PDZD7: variants seen among roughly 807,000 people sequenced by gnomAD.
PDZD7 encodes PDZ domain containing 7.
Under a neutral mutation model 84.7 loss-of-function variants are expected in PDZD7, and 72 were observed. That is an observed-to-expected ratio of 0.85 (90% CI 0.70 to 1.03). The LOEUF is 1.03. Ranked by LOEUF, PDZD7 falls within the 50% of genes least tolerant of loss-of-function variation. The pLI is 0.00. For synonymous variants in PDZD7, 594 were observed against 580.7 expected (o/e 1.02, Z -0.33); for missense variants, 1,490 against 1,412.9 (o/e 1.05, Z -0.87).
rs1564636130 is a variant in PDZD7, at chr10:101,020,653, T to C, written c.893A>G (p.Lys298Arg). 15 of 1,613,484 alleles carry C rather than the reference T, an allele frequency of 9.3e-6. No individual in the cohort carries two copies. Among genetic ancestry groups the C allele is most frequent in the Non-Finnish European group, 1.3e-5 (15 of 1,179,548 alleles). ...IKETGRYPAY[K>R]EMVSEYCWLD... is the part of the protein sequence containing the mutation. ...CCAGCAGTACTCAGAAACCATCTCC[T>C]TGTAGGCAGGATACCGGCCGGTCTC... Residue 298 changes from lysine (K) to arginine (R), a missense_variant, in exon 7 of 17, where the codon AAG becomes AGG. Physicochemically the swap from Lys to Arg is conservative, Grantham distance 26 (BLOSUM62 2). Transcript: ENST00000619208.
At chr10:101,029,874 T>C (rs1937976122) in intron 2 of PDZD7, 120 bp downstream of exon 2, 2 of 1,097,778 alleles carry the variant, frequency 1.8e-6, no homozygotes, top group Non-Finnish European at 2.6e-6. Flanking sequence ...GCCACCTCCC[T>C]GTGACTCCCA....
chr10:101,020,681 G>T lies in PDZD7; in HGVS notation c.868-3C>A. 1 of 1,613,382 alleles carries T rather than the reference G, an allele frequency of 6.2e-7. No homozygotes were observed. ...TAGGCAGGATACCGGCCGGTCTCCT[G>T]GGGAGGGGATGGTGGGCATAGGAGG... On this transcript the variant is annotated splice_region_variant and splice_polypyrimidine_tract_variant and intron_variant, in intron 6 of 16. Transcript: ENST00000619208.
At chr10:101,018,353 A>C in intron 8 of PDZD7, 57 bp from the exon 9 acceptor site, 1 of 1,390,692 alleles carries the variant, frequency 7.2e-7, no homozygotes, top group Non-Finnish European at 1.0e-6. Flanking sequence ...GGGAAGGACG[A>C]GGGGCAGGGG....
intron 11 of PDZD7, 30 bp downstream of exon 11, chr10:101,015,606 G>A (rs1852583736): frequency 6.5e-7 from 1 of 1,541,388 alleles, no homozygotes; most frequent in Non-Finnish European, 8.8e-7. Context: ...AGGACCGTGT[G>A]CCAGGGCTGC....
At chr10:101,009,174 T>G (rs905288316) in intron 16 of PDZD7, 76 bp downstream of exon 16, 3 of 1,320,832 alleles carry the variant, frequency 2.3e-6, no homozygotes, top group Non-Finnish European at 2.1e-6. Context: ...GGCTGGAAGC[T>G]GAGCATGGCC....
chr10:101,018,769 G>A, intron 8 of PDZD7, 53 bp downstream of exon 8: 1 of 1,519,158 alleles, frequency 6.6e-7, no homozygotes, highest in Non-Finnish European at 8.8e-7. Flanking sequence ...ATGTGAGACA[G>A]GTTTTGGACC....
chr10:101,021,863 C>A lies in PDZD7; in HGVS notation c.802G>T (p.Asp268Tyr). Residue 268 changes from aspartate (D) to tyrosine (Y), a missense_variant, in exon 6 of 17, where the codon GAC (aspartate) becomes TAC (tyrosine). Physicochemically the swap from Asp to Tyr is radical, Grantham distance 160 (BLOSUM62 -3). Transcript: ENST00000619208. ...VLAANGVRFDDISHSQAVEVL... is the reference protein window; with the variant it reads ...VLAANGVRFDYISHSQAVEVL... ...TCCACGGCCTGGCTGTGGCTGATGT[C>A]GTCAAACCTGACACCGTTGGCTGCC... The A allele has an allele frequency of 6.2e-7, 1 of 1,614,152 alleles. No homozygotes were observed. Among genetic ancestry groups the A allele is most frequent in the Non-Finnish European group, 8.5e-7 (1 of 1,180,022 alleles).
Position 101,023,716 on chromosome 10 carries a change from G to A in PDZD7, c.368-106C>T. On this transcript the variant is annotated intron_variant, in intron 3 of 16. Coordinates refer to ENST00000619208, the MANE Select transcript of PDZD7 (RefSeq NM_001195263.2). Reference sequence around the variant, plus strand: ...TCAAACTGAGCTTCTCAATCAGAGTGAGGATTGTCAGAGCAGGGGCTGAGT... The same window carrying A: ...TCAAACTGAGCTTCTCAATCAGAGTAAGGATTGTCAGAGCAGGGGCTGAGT... 2.0e-6 allele frequency: 3 copies of A among 1,481,038 alleles called. No homozygotes were observed. The South Asian group carries it at 3.5e-5, about 17-fold the overall frequency. The allele number at this position is 1,481,038 out of a possible 1,614,324, so 91.7% of individuals were successfully genotyped here. A position where few individuals can be genotyped will look rare whatever the true frequency, so the allele number is the denominator to read the frequency against.
At chr10:101,022,492 G>T in intron 4 of PDZD7, 107 bp from the exon 5 acceptor site, 1 of 1,346,812 alleles carries the variant, frequency 7.4e-7, no homozygotes. Flanking sequence ...GCCTTTGGGG[G>T]ACTCCCCAGG....
At chr10:101,024,674 G>A (rs1400147864) in intron 2 of PDZD7, among the ~76,000 whole-genome samples, 2 of 151,518 alleles carry the variant, frequency 1.3e-5, no homozygotes, top group South Asian at 2.1e-4. Context: ...CCAGCTACAC[G>A]GAAGGCTGAG....
rs1384024033 is a variant in PDZD7 at position 101,009,330 on chromosome 10, T to G, written c.2638A>C (p.Ile880Leu). ...QSLGISISGG[I>L]ESKVQPMVKI... ...ACCATGGGCTGCACCTTGGACTCAA[T>G]GCCCCCAGAAATGCTGATACCTAGT... Residue 880 changes from isoleucine to leucine, a missense_variant, in exon 16 of 17, where the codon ATT becomes CTT. By Grantham distance (5) the Ile-to-Leu change is conservative. Coordinates refer to ENST00000619208, the MANE Select transcript of PDZD7 (RefSeq NM_001195263.2). The G allele has an allele frequency of 6.5e-7, 1 of 1,536,020 alleles. No individual in the cohort carries two copies. The highest frequency in any genetic ancestry group is 1.2e-5 in the South Asian group (1 of 84,056).
chr10:101,024,564 A>G, intron 2 of PDZD7, among the ~76,000 whole-genome samples: 1 of 152,044 alleles, frequency 6.6e-6, no homozygotes, highest in Non-Finnish European at 1.5e-5. Context: ...TTTTGAGACC[A>G]TGGGCCAGGA....
Position 101,022,315 on chromosome 10 carries a change from C to A in PDZD7, c.613G>T (p.Asp205Tyr). 6.2e-7 allele frequency: 1 copy of A among 1,614,242 alleles called. No individual in the cohort carries two copies. The highest frequency in any genetic ancestry group is 8.5e-7 in the Non-Finnish European group (1 of 1,180,046). ...GSTPSDTSSEDGVRRIVHLYT... is the reference protein window; with the variant it reads ...GSTPSDTSSEYGVRRIVHLYT... Reference sequence around the variant, plus strand: ...AGGTGGACGATGCGCCGGACACCATCTTCTGAGCTGGTGTCGGAGGGTGTT... The same window carrying A: ...AGGTGGACGATGCGCCGGACACCATATTCTGAGCTGGTGTCGGAGGGTGTT... The change falls in exon 5 of 17, where the codon GAT becomes TAT. Residue 205 changes from aspartate to tyrosine, a missense_variant. Asp to Tyr is a radical substitution (Grantham distance 160, BLOSUM62 -3). Coordinates refer to ENST00000619208, the MANE Select transcript of PDZD7 (RefSeq NM_001195263.2).
intron 1 of PDZD7, 163 bp from the exon 2 acceptor site, chr10:101,030,547 T>C (rs1230199131): frequency 6.4e-5 from 33 of 513,882 alleles, no homozygotes; most frequent in Non-Finnish European, 1.1e-4. Context: ...AGGCACCATC[T>C]TGGACTCTCG....
At chr10:101,016,129 A>G (rs913161056) in intron 10 of PDZD7, among the ~76,000 whole-genome samples, 10 of 152,132 alleles carry the variant, frequency 6.6e-5, no homozygotes, top group African/African-American at 1.9e-4. Flanking sequence ...TCACCCCCAA[A>G]TATATCTTTG....
intron 15 of PDZD7, among the ~76,000 whole-genome samples, chr10:101,009,905 C>A (rs1255506158): frequency 4.0e-5 from 6 of 151,074 alleles, no homozygotes; most frequent in African/African-American, 1.5e-4. Flanking sequence ...CCGCGCCCGG[C>A]TGAGACAGAG....
chr10:101,023,316 G>T lies in PDZD7; in HGVS notation c.542+120C>A, dbSNP rs1016988702. On this transcript the variant is annotated intron_variant, in intron 4 of 16. Transcript: ENST00000619208. ...GAGGTCAGGCCTTTGGATCCCCTGC[G>T]TTTCCTGAGCCAGCGAGCAGGAGGA... The T allele has an allele frequency of 8.0e-6, 10 of 1,252,270 alleles. No individual in the cohort carries two copies. In the East Asian group the frequency reaches 2.5e-4, roughly 31 times the overall value. The allele number at this position is 1,252,270 out of a possible 1,614,324, so 77.6% of individuals were successfully genotyped here. A position where few individuals can be genotyped will look rare whatever the true frequency, so the allele number is the denominator to read the frequency against.
At chr10:101,020,711 G>A in intron 6 of PDZD7, 33 bp from the exon 7 acceptor site, 3 of 1,565,230 alleles carry the variant, frequency 1.9e-6, no homozygotes. Context: ...AGGAGGGAAG[G>A]GGGAGCAGTG....
rs1852805344 is a variant in PDZD7, at chr10:101,018,117, G to A, written c.1504C>T (p.Arg502Cys). The change falls in exon 9 of 17, where the codon CGC (arginine) becomes TGC (cysteine). Residue 502 changes from arginine (R) to cysteine (C), a missense_variant. By Grantham distance (180) the Arg-to-Cys change is radical (BLOSUM62 -3). Coordinates refer to ENST00000619208, the MANE Select transcript of PDZD7 (RefSeq NM_001195263.2). ...TACTTACCTTTCTCTATGTCCAGGC[G>A]AGGGTAAGTTTTGGCCAGGCTCCCG... Reference protein sequence around the residue: ...DSGSLAKTYPRLDIEKAGGVG... With the variant: ...DSGSLAKTYPCLDIEKAGGVG... The A allele has an allele frequency of 6.2e-7, 1 of 1,614,168 alleles. No individual in the cohort carries two copies. The highest frequency in any genetic ancestry group is 2.2e-5 in the East Asian group (1 of 44,872).
Sources: gnomAD v4.1 joint callset for allele counts (sites outside exome capture counted in the v4.1 genomes callset) on GRCh38, gnomAD v4.1.1 for gene constraint, MANE v1.5 for transcripts, NCBI Gene and HGNC (gene_info 2026-07-23, HGNC 2026-07-21) for gene names.